RERE: variants seen among roughly 807,000 people sequenced by gnomAD.
RERE encodes the protein arginine-glutamic acid dipeptide repeats protein.
Under a neutral mutation model 146.1 loss-of-function variants are expected in RERE, and 40 were observed. That is an observed-to-expected ratio of 0.27 (90% CI 0.21 to 0.36). The LOEUF (loss-of-function observed/expected upper bound fraction) is 0.36. RERE is among the 10% of genes least tolerant of loss of function. The pLI is 1.00. For missense variants in RERE, 1,933 were observed against 2,138.7 expected (o/e 0.90, Z 1.90); for synonymous variants, 1,003 against 866.0 (o/e 1.16, Z -2.78).
intron 1 of RERE, among the ~76,000 whole-genome samples, chr1:8,672,399 T>C (rs1638738876): frequency 6.6e-6 from 1 of 152,258 alleles, no homozygotes; most frequent in South Asian, 2.1e-4. Flanking sequence ...AGTCTCAAAC[T>C]CCTGAGCTCA....
At chr1:8,763,968 A>G (rs568361548) in intron 1 of RERE, among the ~76,000 whole-genome samples, 9 of 151,420 alleles carry the variant, frequency 5.9e-5, no homozygotes, top group Admixed American at 5.9e-4. Context: ...CCCTCCTATA[A>G]TTCAGGAAGT....
chr1:8,722,836 G>A (rs1639889472), intron 1 of RERE, among the ~76,000 whole-genome samples: 1 of 152,196 alleles, frequency 6.6e-6, no homozygotes, highest in South Asian at 2.1e-4. Context: ...GAACTTGAAT[G>A]TGTGTGGATT....
At chr1:8,681,657 A>C (rs190842741) in intron 1 of RERE, among the ~76,000 whole-genome samples, 1 of 152,366 alleles carries the variant, frequency 6.6e-6, no homozygotes, top group African/African-American at 2.4e-5. Context: ...TTTAAGTTCT[A>C]TATCACAAGT....
At position 8,422,590 on chromosome 1, in the gene RERE, CGG is replaced by C. The variant is rs1643925561; in HGVS notation, c.1284+135_1284+136del. ...CAAATTAAAAGTCAAGGGAGTAAAA[CGG>C]AGAGAATTCTGGAGGCCAGCCCGAG... On this transcript the variant is annotated intron_variant, in intron 12 of 22. Transcript: ENST00000400908. 4 of 621,984 alleles carry C rather than the reference CGG, an allele frequency of 6.4e-6. No individual in the cohort carries two copies. The African/African-American group carries it at 7.3e-5, about 11-fold the overall frequency. The allele number at this position is 621,984 out of a possible 1,614,324, so 38.5% of individuals were successfully genotyped here. A position where few individuals can be genotyped will look rare whatever the true frequency, so the allele number is the denominator to read the frequency against.
intron 1 of RERE, among the ~76,000 whole-genome samples, chr1:8,682,725 T>A (rs762389066): frequency 1.3e-5 from 2 of 152,154 alleles, no homozygotes; most frequent in African/African-American, 2.4e-5. Flanking sequence ...TAACAAGAAA[T>A]GCCGGCTCTA....
chr1:8,490,133 C>A (rs988547933), intron 10 of RERE, among the ~76,000 whole-genome samples: 3 of 149,782 alleles, frequency 2.0e-5, no homozygotes, highest in Non-Finnish European at 3.0e-5. Flanking sequence ...GAGGCCAAGG[C>A]GGGCGGATCA....
chr1:8,486,789 A>C (rs1314312857), intron 10 of RERE, among the ~76,000 whole-genome samples: 1 of 151,418 alleles, frequency 6.6e-6, no homozygotes, highest in East Asian at 1.9e-4. Flanking sequence ...AAAGAAAAGA[A>C]AAAAAGCACT....
chr1:8,717,205 T>C (rs1439621433), intron 1 of RERE, among the ~76,000 whole-genome samples: 1 of 152,208 alleles, frequency 6.6e-6, no homozygotes, highest in Non-Finnish European at 1.5e-5. Flanking sequence ...ACAATTATGT[T>C]CCATAGTCAG....
Position 8,515,283 on chromosome 1 carries a change from G to A in RERE, c.831-6608C>T, listed in dbSNP as rs531661931. Among the ~76,000 whole-genome samples, 42 of 152,048 alleles carry A rather than the reference G, an allele frequency of 2.8e-4. No individual in the cohort carries two copies. The South Asian group carries it at 8.7e-3, about 32-fold the overall frequency. The stretch of plus-strand genomic sequence containing the variant: ...AGGCTGAGCCAGGAGAATCACTTGA[G>A]CTCTGGAGTTTGAGGCTGCAGTGAG... On this transcript the variant is annotated intron_variant, in intron 7 of 22. Coordinates refer to ENST00000400908, the MANE Select transcript of RERE (RefSeq NM_001042681.2).
At chr1:8,771,901 C>G (rs1640959043) in intron 1 of RERE, among the ~76,000 whole-genome samples, 1 of 128,486 alleles carries the variant, frequency 7.8e-6, no homozygotes, top group South Asian at 2.4e-4. Context: ...CAGAGTGAGA[C>G]TCTGTCTCAA....
chr1:8,767,998 A>T (rs1318235711), intron 1 of RERE, among the ~76,000 whole-genome samples: 1 of 152,074 alleles, frequency 6.6e-6, no homozygotes. Flanking sequence ...TAAAATAAAA[A>T]TGAATAAATA....
intron 7 of RERE, among the ~76,000 whole-genome samples, chr1:8,530,210 C>T (rs1645624850): frequency 6.6e-6 from 1 of 152,162 alleles, no homozygotes; most frequent in Non-Finnish European, 1.5e-5. Flanking sequence ...TCCTATTAAT[C>T]CCAAGTGAAC....
At chr1:8,505,183 G>C (rs1482348537) in intron 8 of RERE, among the ~76,000 whole-genome samples, 2 of 152,166 alleles carry the variant, frequency 1.3e-5, no homozygotes, top group Non-Finnish European at 2.9e-5. Context: ...GCAATGAATG[G>C]CTCTCATTTA....
intron 1 of RERE, among the ~76,000 whole-genome samples, chr1:8,772,773 G>A (rs1452634269): frequency 1.3e-5 from 2 of 148,928 alleles, no homozygotes; most frequent in Admixed American, 6.7e-5. Flanking sequence ...AGCAAGACTC[G>A]GTCTCAAAAA....
At chr1:8,551,207 C>A (rs961267881) in intron 6 of RERE, among the ~76,000 whole-genome samples, 4 of 152,200 alleles carry the variant, frequency 2.6e-5, no homozygotes, top group Admixed American at 2.6e-4. Context: ...AAGACACTTA[C>A]GATCTCCTGT....
At chr1:8,474,711 T>C (rs886630980) in intron 10 of RERE, among the ~76,000 whole-genome samples, 1 of 152,262 alleles carries the variant, frequency 6.6e-6, no homozygotes, top group African/African-American at 2.4e-5. Flanking sequence ...TTGTAATTTA[T>C]AACTTAATTT....
At position 8,360,508 on chromosome 1, in the gene RERE, G is replaced by C; in HGVS notation, c.2999C>G (p.Ser1000Trp). Residue 1000 changes from serine to tryptophan, a missense_variant, in exon 18 of 23, where the codon TCG (serine) becomes TGG (tryptophan). This residue lies in a region of RERE where 1,255 missense variants were observed against 1,153.8 expected (regional missense o/e 1.09). Coordinates refer to ENST00000400908, the MANE Select transcript of RERE (RefSeq NM_001042681.2). ...GGTCAGCCCGGGGGGCTGGGCGGGC[G>C]AGGAGGGCAATGGCTGGCTCTGAGG... ...LMPQSQPLPS[S>W]PAQPPGLTQS... is the part of the protein sequence containing the mutation. 7.5e-7 allele frequency: 1 copy of C among 1,336,622 alleles called. No individual in the cohort carries two copies. The highest frequency in any genetic ancestry group is 9.8e-7 in the Non-Finnish European group (1 of 1,019,566). 82.8% of individuals were successfully genotyped at this position (1,336,622 alleles called of 1,614,324 possible). A position where few individuals can be genotyped will look rare whatever the true frequency, so the allele number is the denominator to read the frequency against.
At chr1:8,612,183 G>A (rs1049863310) in intron 4 of RERE, among the ~76,000 whole-genome samples, 1 of 152,190 alleles carries the variant, frequency 6.6e-6, no homozygotes, top group Non-Finnish European at 1.5e-5. Flanking sequence ...GTCTATTAGG[G>A]AAGACATCTG....
At chr1:8,779,421 G>A (rs1345146996) in intron 1 of RERE, among the ~76,000 whole-genome samples, 2 of 151,956 alleles carry the variant, frequency 1.3e-5, no homozygotes, top group Admixed American at 6.6e-5. Flanking sequence ...CCAGCACTTT[G>A]GGAGGCAAGG....
Sources: gnomAD v4.1 joint callset for allele counts (sites outside exome capture counted in the v4.1 genomes callset) on GRCh38, gnomAD v4.1.1 for gene constraint, gnomAD v4.1.1 regional missense constraint, MANE v1.5 for transcripts, NCBI Gene and HGNC (gene_info 2026-07-23, HGNC 2026-07-21) for gene names.